Variants in CNTN5 observed in about 807,000 individuals in gnomAD.
The protein encoded by CNTN5 is contactin-5.
Under a neutral mutation model 129.1 loss-of-function variants are expected in CNTN5, and 77 were observed. The observed-to-expected ratio is 0.60, with a 90% CI of 0.50 to 0.72. CNTN5 has a LOEUF of 0.72. CNTN5 is among the 30% of genes least tolerant of loss of function. The probability of loss-of-function intolerance (pLI) is 0.00; values close to 1 mark genes in which losing one functional copy is unlikely to be tolerated. For synonymous variants in CNTN5, 509 were observed against 465.6 expected, an observed-to-expected ratio of 1.09 and a Z score of -1.20; for missense variants, 1,478 against 1,328.8, an observed-to-expected ratio of 1.11 and a Z score of -1.75.
chr11:99,151,000 C>T (rs561807525), intron 1 of CNTN5, among the ~76,000 whole-genome samples: 1 of 152,112 alleles, frequency 6.6e-6, no homozygotes, highest in African/African-American at 2.4e-5. Context: ...AAAAATGAAG[C>T]TTATATTACA....
chr11:99,448,750 ATTT>A (rs1944176643), intron 2 of CNTN5, among the ~76,000 whole-genome samples: 1 of 144,406 alleles, frequency 6.9e-6, no homozygotes, highest in Non-Finnish European at 1.5e-5. Context: ...ATTTTATTTT[ATTT>A]TATTTTATTT....
At chr11:99,845,322 T>C (rs1947651983) in intron 6 of CNTN5, 60 bp downstream of exon 6, 2 of 932,514 alleles carry the variant, frequency 2.1e-6, no homozygotes, top group Non-Finnish European at 2.9e-6. Context: ...ACAGTATGGA[T>C]TTTTAAAATT....
chr11:100,153,380 G>A (rs1947130639), intron 13 of CNTN5, among the ~76,000 whole-genome samples: 1 of 152,080 alleles, frequency 6.6e-6, no homozygotes, highest in Non-Finnish European at 1.5e-5. Context: ...AGAAGGTTAT[G>A]TGATGTCTCT....
chr11:99,576,228 T>A (rs1478009603), intron 3 of CNTN5, among the ~76,000 whole-genome samples: 1 of 152,202 alleles, frequency 6.6e-6, no homozygotes, highest in Non-Finnish European at 1.5e-5. Context: ...CTGGATATAT[T>A]AGTATTCTCA....
chr11:99,910,990 G>C (rs1949644235), intron 6 of CNTN5, among the ~76,000 whole-genome samples: 1 of 152,008 alleles, frequency 6.6e-6, no homozygotes, highest in Non-Finnish European at 1.5e-5. Flanking sequence ...TACAAAACTT[G>C]TCCGTTGTTT....
intron 2 of CNTN5, among the ~76,000 whole-genome samples, chr11:99,426,622 C>G (rs1943133253): frequency 6.6e-6 from 1 of 152,066 alleles, no homozygotes; most frequent in Non-Finnish European, 1.5e-5. Context: ...TGTATCAGTG[C>G]CTTTGATATG....
chr11:99,656,086 T>G (rs114304300), intron 3 of CNTN5, among the ~76,000 whole-genome samples: 1 of 151,996 alleles, frequency 6.6e-6, no homozygotes, highest in Non-Finnish European at 1.5e-5. Flanking sequence ...GTGTGTGTGT[T>G]ATTGTGGAGC....
At chr11:99,678,969 A>C (rs2453258) in intron 3 of CNTN5, among the ~76,000 whole-genome samples, 93,787 of 144,322 alleles carry the variant, frequency 0.65, 31,091 homozygotes, top group Non-Finnish European at 0.74. Flanking sequence ...CTCTCTCTCT[A>C]TATATATATA....
chr11:100,317,246 A>G, intron 21 of CNTN5, among the ~76,000 whole-genome samples: 1 of 152,216 alleles, frequency 6.6e-6, no homozygotes, highest in Non-Finnish European at 1.5e-5. Flanking sequence ...TTCTCTGACA[A>G]TAACTCATGC....
chr11:99,102,571 G>T (rs371814462), intron 1 of CNTN5, among the ~76,000 whole-genome samples: 1 of 152,196 alleles, frequency 6.6e-6, no homozygotes, highest in Non-Finnish European at 1.5e-5. Context: ...GATCTCTAGG[G>T]CAGGGGCAAA....
chr11:99,558,302 A>C, intron 3 of CNTN5: 1 of 418,700 alleles, frequency 2.4e-6, no homozygotes, highest in Non-Finnish European at 4.8e-6. Context: ...ACTGAAGGAG[A>C]TGGAGGTAGG....
At position 100,191,240 on chromosome 11, in the gene CNTN5, G is replaced by A. The variant is rs147745190; in HGVS notation, c.1695G>A (p.Ser565=). 85 of 1,612,172 alleles carry A rather than the reference G, an allele frequency of 5.3e-5. No individual in the cohort carries two copies. Among genetic ancestry groups the A allele is most frequent in the Middle Eastern group, 5.0e-4 (3 of 6,046 alleles). The stretch of plus-strand genomic sequence containing the variant: ...TTGGTTCTGCTGAAATTATAGCTTC[G>A]CTATCTGTAAAAGGTAAGACAGCAC... ...NVFGSAEIIA[S]LSVKEPTRIE... The change falls in exon 14 of 25, where the codon TCG becomes TCA. Residue 565 remains serine, a synonymous_variant. Transcript: ENST00000524871.
intron 3 of CNTN5, among the ~76,000 whole-genome samples, chr11:99,622,469 C>A (rs1383641635): frequency 6.6e-6 from 1 of 152,070 alleles, no homozygotes; most frequent in Admixed American, 6.5e-5. Flanking sequence ...CGGTATTAGT[C>A]AACAAAGTAG....
chr11:99,489,712 T>C (rs1945960195), intron 2 of CNTN5, among the ~76,000 whole-genome samples: 1 of 152,172 alleles, frequency 6.6e-6, no homozygotes, highest in Admixed American at 6.6e-5. Flanking sequence ...GCGTGGAGTC[T>C]GCCAGGAGTT....
In CNTN5 at chr11:99,818,070, C is replaced by T. The variant is rs560300532; in HGVS notation, c.56-1474C>T. ...ATTAAACTTAATTTGATGCTTAACA[C>T]CTAAAGTGTTATTTTCAAATCATAG... On this transcript the variant is annotated intron_variant, in intron 3 of 24. Transcript: ENST00000524871. Among the ~76,000 whole-genome samples, 3 of 152,086 alleles carry T rather than the reference C, an allele frequency of 2.0e-5. No homozygotes were observed. In the South Asian group the frequency reaches 6.2e-4, roughly 32 times the overall value.
intron 1 of CNTN5, among the ~76,000 whole-genome samples, chr11:99,323,602 AC>A (rs143026090): frequency 0.02 from 3,099 of 152,234 alleles, 112 homozygotes; most frequent in African/African-American, 0.071. Flanking sequence ...AAAATGATGC[AC>A]TGTATAATTG....
At chr11:99,899,838 G>A (rs1348877486) in intron 6 of CNTN5, among the ~76,000 whole-genome samples, 2 of 151,860 alleles carry the variant, frequency 1.3e-5, no homozygotes, top group African/African-American at 4.8e-5. Flanking sequence ...GGTAAAATTT[G>A]GCTTTGAATT....
At chr11:100,205,240 T>A (rs1217261975) in intron 15 of CNTN5, among the ~76,000 whole-genome samples, 1 of 152,072 alleles carries the variant, frequency 6.6e-6, no homozygotes, top group Non-Finnish European at 1.5e-5. Flanking sequence ...TCTTTCGGCA[T>A]CTGTTTTGTA....
intron 2 of CNTN5, among the ~76,000 whole-genome samples, chr11:99,403,846 G>C (rs1168787351): frequency 6.6e-6 from 1 of 152,096 alleles, no homozygotes; most frequent in East Asian, 1.9e-4. Context: ...TGGATGAAAA[G>C]TTTTATAAGT....
Sources: gnomAD v4.1 joint callset for allele counts (sites outside exome capture counted in the v4.1 genomes callset) on GRCh38, gnomAD v4.1.1 for gene constraint, MANE v1.5 for transcripts, NCBI Gene and HGNC (gene_info 2026-07-23, HGNC 2026-07-21) for gene names.